The following AGBL3 variants were observed in gnomAD, a reference collection of about 807,000 sequenced individuals.
The protein encoded by AGBL3 is cytosolic carboxypeptidase 3.
AGBL3 carries 68 observed loss-of-function variants against 94.5 expected under a neutral mutation model. That is an observed-to-expected ratio of 0.72 (90% CI 0.59 to 0.88). The LOEUF (loss-of-function observed/expected upper bound fraction) is 0.88. AGBL3 is among the 40% of genes least tolerant of loss of function. The pLI is 0.00. For missense variants in AGBL3, 934 were observed against 1,103.8 expected (o/e 0.85, Z 2.18); for synonymous variants, 354 against 370.7 (o/e 0.95, Z 0.52).
Position 135,022,458 on chromosome 7 carries a change from G to A in AGBL3, c.418+5299G>A, listed in dbSNP as rs904157393. Among the ~76,000 whole-genome samples the A allele has an allele frequency of 2.6e-5, 4 of 151,536 alleles. No individual in the cohort carries two copies. In the South Asian group the frequency reaches 6.3e-4, roughly 24 times the overall value. On this transcript the variant is annotated intron_variant, in intron 5 of 16. Coordinates refer to ENST00000436302, the MANE Select transcript of AGBL3 (RefSeq NM_178563.4). ...CTTCATATGTTTGTTGGCCACATAC[G>A]TCTTCTTTTGAGAAATGTCTGTTCA...
intron 11 of AGBL3, among the ~76,000 whole-genome samples, chr7:135,053,075 T>C (rs867411498): frequency 6.6e-6 from 1 of 152,228 alleles, no homozygotes; most frequent in South Asian, 2.1e-4. Context: ...ATAACCACTT[T>C]TTCCAGAGAT....
At chr7:135,072,981 T>C (rs1225610250) in intron 12 of AGBL3, among the ~76,000 whole-genome samples, 1 of 152,134 alleles carries the variant, frequency 6.6e-6, no homozygotes, top group Non-Finnish European at 1.5e-5. Context: ...TGTGTGTATG[T>C]GTATGTGTGT....
chr7:135,038,657 T>C (rs1816537361), intron 8 of AGBL3, among the ~76,000 whole-genome samples: 1 of 152,200 alleles, frequency 6.6e-6, no homozygotes, highest in Non-Finnish European at 1.5e-5. Flanking sequence ...TTCTGTTAAA[T>C]GTTTCTTATA....
chr7:135,018,904 T>A (rs1406344872), intron 5 of AGBL3, among the ~76,000 whole-genome samples: 1 of 152,196 alleles, frequency 6.6e-6, no homozygotes, highest in East Asian at 1.9e-4. Context: ...TGGTGAGTTT[T>A]GAAAAATATA....
Position 135,134,084 on chromosome 7 carries a change from A to G in AGBL3, c.2343-757A>G, listed in dbSNP as rs889983021. On this transcript the variant is annotated intron_variant, in intron 16 of 16. Coordinates refer to ENST00000436302, the MANE Select transcript of AGBL3 (RefSeq NM_178563.4). ...CCAGGAATTAAGGAGGGGATGGGAA[A>G]GGAGGGAAGCAGGTACTACAAGAGG... 9.9e-5 allele frequency among the ~76,000 whole-genome samples: 15 copies of G among 152,126 alleles called. 1 individual carries two copies. The highest frequency in any genetic ancestry group is 3.9e-4 in the Admixed American group (6 of 15,258).
At chr7:135,055,174 A>T (rs748487917) in intron 11 of AGBL3, among the ~76,000 whole-genome samples, 4 of 152,166 alleles carry the variant, frequency 2.6e-5, no homozygotes, top group Non-Finnish European at 5.9e-5. Flanking sequence ...CATGACCCAA[A>T]CACCTCCCGC....
In AGBL3 at chr7:135,034,804, C is replaced by A; in HGVS notation, c.1213C>A (p.Pro405Thr). Reference protein sequence around the residue: ...FVFKVVPMLNPDGVIVGNYRC... With the variant: ...FVFKVVPMLNTDGVIVGNYRC... ...CTTCAAGGTGGTACCCATGCTCAAT[C>A]CAGATGGTGTGATTGTGGGAAATTA... Residue 405 changes from proline to threonine, a missense_variant, in exon 7 of 17, where the codon CCA becomes ACA. Pro to Thr is a conservative substitution (Grantham distance 38). Around this residue, in one of 3 missense-constraint regions of AGBL3, gnomAD observed 488 missense variants for 563.6 expected, o/e 0.87. Coordinates refer to ENST00000436302, the MANE Select transcript of AGBL3 (RefSeq NM_178563.4). 1 of 1,552,216 alleles carries A rather than the reference C, an allele frequency of 6.4e-7. No homozygotes were observed. The highest frequency in any genetic ancestry group is 8.7e-7 in the Non-Finnish European group (1 of 1,147,292).
chr7:135,032,734 C>T (rs1815899720), intron 5 of AGBL3, 110 bp from the exon 6 acceptor site: 3 of 1,031,818 alleles, frequency 2.9e-6, no homozygotes, highest in Non-Finnish European at 3.9e-6. Context: ...TGTCCAGTTA[C>T]TTTAAAATTT....
At chr7:134,991,368 G>A (rs554213800) in intron 3 of AGBL3, among the ~76,000 whole-genome samples, 4 of 152,216 alleles carry the variant, frequency 2.6e-5, no homozygotes, top group African/African-American at 9.6e-5. Flanking sequence ...CACACTGTAA[G>A]GACCCCTTTT....
chr7:135,016,595 G>A (rs1456159529), intron 4 of AGBL3, among the ~76,000 whole-genome samples: 1 of 152,266 alleles, frequency 6.6e-6, no homozygotes, highest in Non-Finnish European at 1.5e-5. Context: ...AGAAGTGGCA[G>A]GGGTAGGGGG....
In AGBL3 at chr7:135,045,875, C is replaced by A. The variant is rs1474211976; in HGVS notation, c.1805C>A (p.Thr602Lys). The change falls in exon 11 of 17, where the codon ACA becomes AAA. Residue 602 changes from threonine to lysine, a missense_variant. By Grantham distance (78) the Thr-to-Lys change is moderately conservative. This residue lies in a region of AGBL3 where 441 missense variants were observed against 518.2 expected (regional missense o/e 0.85). Coordinates refer to ENST00000436302, the MANE Select transcript of AGBL3 (RefSeq NM_178563.4). The part of the protein sequence containing the change: ...TLEKVFEDSD[T>K]PVIDITLDVE... ...GAAAAAGTCTTTGAGGATTCAGACACACCTGTGATAGACATTACATTGGAT... is the reference window on the plus strand; with the variant it reads ...GAAAAAGTCTTTGAGGATTCAGACAAACCTGTGATAGACATTACATTGGAT... The A allele has an allele frequency of 6.5e-7, 1 of 1,550,250 alleles. No homozygotes were observed. Among genetic ancestry groups the A allele is most frequent in the South Asian group, 1.2e-5 (1 of 84,002 alleles).
In AGBL3 at chr7:135,059,169, T is replaced by A; in HGVS notation, c.1842T>A (p.Ser614Arg). The A allele has an allele frequency of 6.5e-7, 1 of 1,550,038 alleles. No homozygotes were observed. The highest frequency in any genetic ancestry group is 1.2e-5 in the South Asian group (1 of 83,710). Residue 614 changes from serine to arginine, a missense_variant and splice_region_variant, in exon 12 of 17, where the codon AGT (serine) becomes AGA (arginine). Around this residue, in one of 3 missense-constraint regions of AGBL3, gnomAD observed 441 missense variants for 518.2 expected, o/e 0.85. Coordinates refer to ENST00000436302, the MANE Select transcript of AGBL3 (RefSeq NM_178563.4). ...VIDITLDVES[S>R]SRGSDSSESI... ...TAAACCAAAATTATTTTTTTTGTAG[T>A]AGCCGAGGCTCTGACAGTTCAGAAT...
At chr7:135,043,221 G>C (rs183311494) in intron 8 of AGBL3, among the ~76,000 whole-genome samples, 34 of 152,212 alleles carry the variant, frequency 2.2e-4, no homozygotes, top group African/African-American at 7.5e-4. Flanking sequence ...CAGATGAATG[G>C]ATAAAGAAAA....
At chr7:135,072,909 A>T (rs574118999) in intron 12 of AGBL3, among the ~76,000 whole-genome samples, 1 of 152,138 alleles carries the variant, frequency 6.6e-6, no homozygotes, top group African/African-American at 2.4e-5. Context: ...AACTTAAAGT[A>T]TAATAAAAAT....
chr7:135,021,723 T>A (rs955057575), intron 5 of AGBL3, among the ~76,000 whole-genome samples: 6 of 151,682 alleles, frequency 4.0e-5, no homozygotes, highest in African/African-American at 1.5e-4. Context: ...TACACAGGTA[T>A]CTGTGTGCCA....
intron 16 of AGBL3, among the ~76,000 whole-genome samples, chr7:135,120,642 A>T (rs4728352): frequency 0.48 from 73,349 of 151,674 alleles, 18,044 homozygotes; most frequent in South Asian, 0.65. Flanking sequence ...ACAGTTAAGG[A>T]CAGATTAACA....
chr7:135,006,060 A>G (rs1193867869), intron 4 of AGBL3, among the ~76,000 whole-genome samples: 1 of 151,872 alleles, frequency 6.6e-6, no homozygotes, highest in Non-Finnish European at 1.5e-5. Context: ...TGACATCAAA[A>G]ACATGATTAA....
At chr7:135,007,593 A>G (rs1812553250) in intron 4 of AGBL3, among the ~76,000 whole-genome samples, 1 of 152,064 alleles carries the variant, frequency 6.6e-6, no homozygotes, top group South Asian at 2.1e-4. Flanking sequence ...CTTTCCCCAT[A>G]AGGTCAAGAA....
At chr7:135,039,873 C>T (rs1316403410) in intron 8 of AGBL3, among the ~76,000 whole-genome samples, 1 of 150,750 alleles carries the variant, frequency 6.6e-6, no homozygotes, top group African/African-American at 2.4e-5. Context: ...AAATGAGAGA[C>T]AATGAAAAAA....
Sources: allele counts gnomAD v4.1 joint callset (sites outside exome capture counted in the v4.1 genomes callset), GRCh38; gene constraint gnomAD v4.1.1; regional missense constraint gnomAD v4.1.1; transcripts MANE v1.5; gene names NCBI Gene and HGNC (gene_info 2026-07-23, HGNC 2026-07-21).